The following TIAM1 variants were observed in gnomAD, a reference collection of about 807,000 sequenced individuals.
TIAM1 encodes rho guanine nucleotide exchange factor TIAM1.
Under a neutral mutation model 163.5 loss-of-function variants are expected in TIAM1, and 65 were observed. That is an observed-to-expected ratio of 0.40 (90% CI 0.33 to 0.49). The LOEUF is 0.49. Ranked by LOEUF, TIAM1 falls within the 20% of genes least tolerant of loss-of-function variation. TIAM1 has a pLI of 0.77. For missense variants in TIAM1, 1,789 were observed against 2,044.7 expected (o/e 0.87, Z 2.41); for synonymous variants, 833 against 810.1 (o/e 1.03, Z -0.48).
At chr21:31,502,399 A>G (rs2046878526) in intron 1 of TIAM1, among the ~76,000 whole-genome samples, 1 of 152,150 alleles carries the variant, frequency 6.6e-6, no homozygotes, top group Non-Finnish European at 1.5e-5. Context: ...CAGCCTCCCA[A>G]GTGGCTGGGA....
chr21:31,119,908 TAC>T lies in TIAM1; in HGVS notation c.*458_*459del, dbSNP rs1457687721. ...TTCTCAGACATGGAAGAGGGAAGGG[TAC>T]AGTCAGAACACGGCAAGCTGTACAC... is the stretch of plus-strand genomic sequence containing the variant. On this transcript the variant is annotated 3_prime_UTR_variant, in exon 28 of 28. Transcript: ENST00000541036. 1 of 152,810 alleles carries T rather than the reference TAC, an allele frequency of 6.5e-6. No individual in the cohort carries two copies. The highest frequency in any genetic ancestry group is 1.5e-5 in the Non-Finnish European group (1 of 68,718). 9.5% of individuals were successfully genotyped at this position (152,810 alleles called of 1,614,324 possible).
intron 2 of TIAM1, among the ~76,000 whole-genome samples, chr21:31,414,814 C>T (rs184773041): frequency 2.6e-5 from 4 of 152,328 alleles, no homozygotes; most frequent in Admixed American, 6.5e-5. Context: ...AAAAAGGTCA[C>T]GTCCAAACAA....
chr21:31,499,492 G>A (rs964724270), intron 1 of TIAM1, among the ~76,000 whole-genome samples: 3 of 151,918 alleles, frequency 2.0e-5, no homozygotes, highest in Non-Finnish European at 4.4e-5. Context: ...GGTGAGCAAC[G>A]GTCACGCTGC....
At chr21:31,214,774 T>C (rs1036972726) in intron 9 of TIAM1, among the ~76,000 whole-genome samples, 2 of 152,126 alleles carry the variant, frequency 1.3e-5, no homozygotes, top group Admixed American at 1.3e-4. Flanking sequence ...AAATAAAATA[T>C]ACAAAAACAT....
chr21:31,478,421 CATT>C (rs1330308828), intron 1 of TIAM1, among the ~76,000 whole-genome samples: 2 of 152,184 alleles, frequency 1.3e-5, no homozygotes, highest in Non-Finnish European at 2.9e-5. Context: ...ATTATATCCT[CATT>C]GTCACTCCCC....
At chr21:31,124,731 G>C in intron 26 of TIAM1, 37 bp from the exon 27 acceptor site, 1 of 1,506,782 alleles carries the variant, frequency 6.6e-7, no homozygotes, top group Non-Finnish European at 8.9e-7. Context: ...AGAGAATCAG[G>C]GCTTAACACA....
intron 4 of TIAM1, among the ~76,000 whole-genome samples, chr21:31,263,389 T>G (rs1349280815): frequency 6.6e-6 from 1 of 152,154 alleles, no homozygotes; most frequent in Non-Finnish European, 1.5e-5. Flanking sequence ...CAATGGCACT[T>G]CCCATTACAT....
chr21:31,531,098 CCT>C (rs1219692662), intron 1 of TIAM1, among the ~76,000 whole-genome samples: 2 of 152,142 alleles, frequency 1.3e-5, no homozygotes, highest in Non-Finnish European at 2.9e-5. Flanking sequence ...TTCCCAACGT[CCT>C]CTCTGTGCAC....
At chr21:31,515,855 C>A (rs2047362702) in intron 1 of TIAM1, among the ~76,000 whole-genome samples, 1 of 152,128 alleles carries the variant, frequency 6.6e-6, no homozygotes, top group Non-Finnish European at 1.5e-5. Flanking sequence ...CACCTGTAAT[C>A]CCAGAACTTT....
chr21:31,291,685 G>A (rs930678350), intron 2 of TIAM1, among the ~76,000 whole-genome samples: 2 of 152,176 alleles, frequency 1.3e-5, no homozygotes, highest in African/African-American at 2.4e-5. Context: ...ACAACACCTG[G>A]CTAATTTTTG....
At chr21:31,210,594 G>GAGAGAA (rs1555890895) in intron 10 of TIAM1, among the ~76,000 whole-genome samples, 15 of 94,648 alleles carry the variant, frequency 1.6e-4, no homozygotes, top group African/African-American at 8.8e-4. Context: ...AAGAAAGAAA[G>GAGAGAA]AGAGAAAGAA....
intron 26 of TIAM1, among the ~76,000 whole-genome samples, chr21:31,125,643 T>G (rs1385978783): frequency 2.0e-5 from 3 of 152,182 alleles, no homozygotes; most frequent in Non-Finnish European, 2.9e-5. Flanking sequence ...GGTATGATCT[T>G]GGCTCATTGC....
chr21:31,232,857 AAG>A (rs2088517362), intron 6 of TIAM1, among the ~76,000 whole-genome samples: 1 of 152,206 alleles, frequency 6.6e-6, no homozygotes, highest in African/African-American at 2.4e-5. Flanking sequence ...CAGACAGGTA[AAG>A]AGAGAGGGAA....
chr21:31,427,997 C>T (rs1208289805), intron 2 of TIAM1, among the ~76,000 whole-genome samples: 1 of 152,204 alleles, frequency 6.6e-6, no homozygotes, highest in African/African-American at 2.4e-5. Context: ...CGCAGTGGCT[C>T]ATGCCTGTAA....
chr21:31,555,973 A>C (rs79139141), intron 1 of TIAM1, among the ~76,000 whole-genome samples: 4,171 of 152,050 alleles, frequency 0.027, 196 homozygotes, highest in African/African-American at 0.096. Flanking sequence ...AGAAGAGAGG[A>C]GCAAGGAGAA....
intron 15 of TIAM1, among the ~76,000 whole-genome samples, chr21:31,181,741 C>G (rs8134177): frequency 0.9 from 99,461 of 110,298 alleles, 44,478 homozygotes; most frequent in South Asian, 0.95. Context: ...CCCAGCACTT[C>G]TTCTTCTTCT....
chr21:31,531,140 T>A (rs2047955191), intron 1 of TIAM1, among the ~76,000 whole-genome samples: 1 of 152,196 alleles, frequency 6.6e-6, no homozygotes, highest in African/African-American at 2.4e-5. Context: ...CCAAATTTAC[T>A]GCCACCCACA....
At chr21:31,322,138 G>A (rs1451372824) in intron 2 of TIAM1, among the ~76,000 whole-genome samples, 1 of 152,168 alleles carries the variant, frequency 6.6e-6, no homozygotes, top group Non-Finnish European at 1.5e-5. Flanking sequence ...ACCTTTGATA[G>A]TTTTGATTGC....
chr21:31,434,193 G>A (rs1460800132), intron 2 of TIAM1, among the ~76,000 whole-genome samples: 2 of 152,134 alleles, frequency 1.3e-5, no homozygotes, highest in Non-Finnish European at 2.9e-5. Flanking sequence ...CAGCTAAGAT[G>A]CAGTAACAAG....
Sources: gnomAD v4.1 joint callset for allele counts (sites outside exome capture counted in the v4.1 genomes callset) on GRCh38, gnomAD v4.1.1 for gene constraint, MANE v1.5 for transcripts, NCBI Gene and HGNC (gene_info 2026-07-23, HGNC 2026-07-21) for gene names.